The following PRKG1 variants were observed in gnomAD, a reference collection of about 807,000 sequenced individuals.
The protein encoded by PRKG1 is cGMP-dependent protein kinase 1.
Under a neutral mutation model 88.1 loss-of-function variants are expected in PRKG1, and 35 were observed. The observed-to-expected ratio is 0.40, with a 90% CI of 0.30 to 0.53. The LOEUF is 0.53. Among genes scored for constraint, PRKG1 ranks in the 20% least tolerant of loss-of-function variants. The probability of loss-of-function intolerance (pLI) is 0.59; values close to 1 mark genes in which losing one functional copy is unlikely to be tolerated. For missense variants in PRKG1, 540 were observed against 839.8 expected, an observed-to-expected ratio of 0.64 and a Z score of 4.41; for synonymous variants, 303 against 292.5, an observed-to-expected ratio of 1.04 and a Z score of -0.37.
intron 3 of PRKG1, among the ~76,000 whole-genome samples, chr10:51,573,619 C>T (rs1195179976): frequency 6.6e-6 from 1 of 151,774 alleles, no homozygotes; most frequent in Non-Finnish European, 1.5e-5. Flanking sequence ...AATCCAGTGC[C>T]TAATTTTGGA....
intron 2 of PRKG1, among the ~76,000 whole-genome samples, chr10:51,433,225 G>T (rs905698368): frequency 2.6e-5 from 4 of 151,984 alleles, no homozygotes; most frequent in African/African-American, 9.7e-5. Context: ...AAAATAAATG[G>T]GAATGTGTTG....
intron 7 of PRKG1, among the ~76,000 whole-genome samples, chr10:52,131,844 A>AAAAAAAAAAAAAAAAAC (rs764532999): frequency 2.6e-5 from 3 of 117,174 alleles, no homozygotes; most frequent in Non-Finnish European, 3.9e-5. Flanking sequence ...AAAAAAAAAA[A>AAAAAAAAAAAAAAAAAC]AAGAGGCCAG....
chr10:51,733,593 T>C (rs988706337), intron 3 of PRKG1, among the ~76,000 whole-genome samples: 2 of 152,198 alleles, frequency 1.3e-5, no homozygotes, highest in African/African-American at 4.8e-5. Flanking sequence ...AGTTAGAGTC[T>C]AAATATCAGA....
At chr10:51,779,309 G>A (rs1838523233) in intron 3 of PRKG1, among the ~76,000 whole-genome samples, 1 of 152,050 alleles carries the variant, frequency 6.6e-6, no homozygotes, top group South Asian at 2.1e-4. Flanking sequence ...GTCTTAGGCA[G>A]CAATACACGA....
At chr10:51,865,477 TA>T (rs1251163056) in intron 4 of PRKG1, among the ~76,000 whole-genome samples, 1 of 152,106 alleles carries the variant, frequency 6.6e-6, no homozygotes, top group African/African-American at 2.4e-5. Context: ...TGAAAAATTA[TA>T]AAATTAAGAA....
At position 51,921,229 on chromosome 10, in the gene PRKG1, T is replaced by C. The variant is rs991143436; in HGVS notation, c.762+13659T>C. Among the ~76,000 whole-genome samples the C allele has an allele frequency of 3.4e-4, 52 of 152,132 alleles. 1 individual carries two copies. The highest frequency in any genetic ancestry group is 5.0e-4 in the Non-Finnish European group (34 of 67,982). On this transcript the variant is annotated intron_variant, in intron 5 of 17. Coordinates refer to ENST00000373980, the MANE Select transcript of PRKG1 (RefSeq NM_006258.4). ...AATTTCAATTATTCATGCGAGTATA[T>C]AGGAAATCAATTGACTTTTATATAT...
chr10:51,730,662 A>G (rs1842250102), intron 3 of PRKG1, among the ~76,000 whole-genome samples: 1 of 152,230 alleles, frequency 6.6e-6, no homozygotes, highest in Non-Finnish European at 1.5e-5. Flanking sequence ...TATCTGACAA[A>G]AAATTATTAG....
chr10:52,019,169 A>G (rs1026496180), intron 5 of PRKG1, among the ~76,000 whole-genome samples: 1 of 151,978 alleles, frequency 6.6e-6, no homozygotes, highest in Non-Finnish European at 1.5e-5. Flanking sequence ...GAACTCAGTC[A>G]CCCCACGGAG....
intron 2 of PRKG1, among the ~76,000 whole-genome samples, chr10:51,339,620 A>G (rs1051302704): frequency 2.6e-5 from 4 of 152,072 alleles, no homozygotes; most frequent in South Asian, 4.1e-4. Context: ...CTATATTTAT[A>G]TATATTTATG....
Position 52,161,883 on chromosome 10 carries a change from T to C in PRKG1, c.1002-6T>C, listed in dbSNP as rs1838285068. 1.2e-6 allele frequency: 2 copies of C among 1,612,206 alleles called. No homozygotes were observed. Among genetic ancestry groups the C allele is most frequent in the African/African-American group, 2.7e-5 (2 of 74,894 alleles). On this transcript the variant is annotated splice_region_variant and splice_polypyrimidine_tract_variant and intron_variant, in intron 8 of 17. Transcript: ENST00000373980. The stretch of plus-strand genomic sequence containing the variant: ...GATTAATCACTGTGCTTTTTTCGTC[T>C]GACAGCTCTTTTAAACATTTGATTG...
intron 3 of PRKG1, among the ~76,000 whole-genome samples, chr10:51,746,800 C>T (rs1236122868): frequency 1.3e-5 from 2 of 151,938 alleles, no homozygotes; most frequent in East Asian, 3.9e-4. Flanking sequence ...AGCATTTGCT[C>T]CATCATGAAA....
intron 1 of PRKG1, among the ~76,000 whole-genome samples, chr10:51,145,552 C>T (rs1904691): frequency 0.45 from 67,802 of 151,908 alleles, 15,292 homozygotes; most frequent in African/African-American, 0.53. Flanking sequence ...AGGAAGCTTA[C>T]AGGAGAAGAG....
chr10:52,270,679 A>G (rs375222982), intron 10 of PRKG1, among the ~76,000 whole-genome samples: 3 of 142,146 alleles, frequency 2.1e-5, no homozygotes, highest in Admixed American at 1.4e-4. Context: ...ATGAGAACAC[A>G]TGGACACAGG....
chr10:51,843,927 G>T (rs776125316), intron 4 of PRKG1, among the ~76,000 whole-genome samples: 11 of 152,040 alleles, frequency 7.2e-5, no homozygotes, highest in Non-Finnish European at 1.3e-4. Flanking sequence ...AAGAAAAGAA[G>T]GCATGAATAA....
At chr10:52,058,095 C>A (rs561268454) in intron 6 of PRKG1, among the ~76,000 whole-genome samples, 5 of 151,918 alleles carry the variant, frequency 3.3e-5, no homozygotes, top group Non-Finnish European at 4.4e-5. Flanking sequence ...AAGAGTTTAG[C>A]AAAATCGGCA....
chr10:52,131,392 C>T (rs1395776933), intron 7 of PRKG1, among the ~76,000 whole-genome samples: 1 of 152,016 alleles, frequency 6.6e-6, no homozygotes, highest in Non-Finnish European at 1.5e-5. Flanking sequence ...CATAGGAAAC[C>T]CAACCTGGTC....
At chr10:52,270,408 GAC>G (rs999135012) in intron 10 of PRKG1, among the ~76,000 whole-genome samples, 1 of 152,066 alleles carries the variant, frequency 6.6e-6, no homozygotes, top group African/African-American at 2.4e-5. Flanking sequence ...CTGCTATAAA[GAC>G]ACATGCACAC....
At chr10:51,375,816 C>T (rs897561294) in intron 2 of PRKG1, among the ~76,000 whole-genome samples, 4 of 151,882 alleles carry the variant, frequency 2.6e-5, no homozygotes, top group Admixed American at 6.6e-5. Context: ...GCCTGAAGGA[C>T]GTGAAGGAGA....
intron 7 of PRKG1, among the ~76,000 whole-genome samples, chr10:52,076,471 C>T (rs1259428366): frequency 1.3e-5 from 2 of 152,108 alleles, no homozygotes; most frequent in South Asian, 4.1e-4. Context: ...GCAGGAGAAT[C>T]GCTTGAACCC....
Sources: gnomAD v4.1 joint callset for allele counts (sites outside exome capture counted in the v4.1 genomes callset) on GRCh38, gnomAD v4.1.1 for gene constraint, MANE v1.5 for transcripts, NCBI Gene and HGNC (gene_info 2026-07-23, HGNC 2026-07-21) for gene names.